OR3A2: variants seen among roughly 807,000 people sequenced by gnomAD.
The protein encoded by OR3A2 is olfactory receptor family 3 subfamily A member 2, also known as olfactory receptor 3A2.
For synonymous variants in OR3A2, 126 were observed against 159.3 expected (o/e 0.79, Z 1.57); for missense variants, 318 against 392.8 (o/e 0.81, Z 1.61).
intron 1 of OR3A2, among the ~76,000 whole-genome samples, chr17:3,282,154 C>A (rs1040642056): frequency 6.6e-6 from 1 of 152,268 alleles, no homozygotes; most frequent in East Asian, 1.9e-4. Context: ...GTGGCTCACA[C>A]CTGTAATCCC....
intron 2 of OR3A2, among the ~76,000 whole-genome samples, chr17:3,356,075 C>T (rs1489110567): frequency 6.6e-6 from 1 of 151,390 alleles, no homozygotes; most frequent in Non-Finnish European, 1.5e-5. Context: ...CAGCTTAACA[C>T]TGAGTGCATA....
intron 2 of OR3A2, among the ~76,000 whole-genome samples, chr17:3,351,830 CAG>C (rs1597354409): frequency 6.6e-6 from 1 of 152,062 alleles, no homozygotes; most frequent in Non-Finnish European, 1.5e-5. Flanking sequence ...GGTACCAAAA[CAG>C]AGATATAGAT....
At chr17:3,331,500 A>G (rs911918207) in intron 3 of OR3A2, among the ~76,000 whole-genome samples, 5 of 151,340 alleles carry the variant, frequency 3.3e-5, no homozygotes, top group Non-Finnish European at 5.9e-5. Context: ...CTTCCAGTTG[A>G]TCGCATCGGC....
chr17:3,298,824 C>T (rs754232179), intron 3 of OR3A2, among the ~76,000 whole-genome samples: 4 of 152,106 alleles, frequency 2.6e-5, no homozygotes, highest in Non-Finnish European at 5.9e-5. Flanking sequence ...GGGCCATATA[C>T]GAGAAAACGA....
rs557039573 is a variant in OR3A2 at position 3,364,138 on chromosome 17, T to C, written c.-179+19666A>G. Among the ~76,000 whole-genome samples the C allele has an allele frequency of 3.9e-5, 6 of 152,354 alleles. No homozygotes were observed. In the South Asian group the frequency reaches 1.2e-3, roughly 32 times the overall value. On this transcript the variant is annotated intron_variant, in intron 2 of 4. Coordinates refer to the OR3A2 transcript ENST00000573491. ...TTTACAGACAAAGTGTTAGAATCAG[T>C]AATTTTAAAAGCTAAGGTCCTGAAA...
intron 1 of OR3A2, 124 bp downstream of exon 1, chr17:3,386,001 C>G (rs1048054823): frequency 2.5e-6 from 1 of 398,778 alleles, no homozygotes; most frequent in Non-Finnish European, 4.4e-6. Context: ...CAGACGCCCA[C>G]CCGCTGCTGT....
At chr17:3,369,581 C>G (rs1456710086) in intron 2 of OR3A2, among the ~76,000 whole-genome samples, 1 of 152,106 alleles carries the variant, frequency 6.6e-6, no homozygotes, top group Non-Finnish European at 1.5e-5. Flanking sequence ...GGTATGAAAC[C>G]CACTTGATCT....
intron 2 of OR3A2, among the ~76,000 whole-genome samples, chr17:3,361,613 T>C (rs1219020468): frequency 1.3e-5 from 2 of 151,612 alleles, no homozygotes. Flanking sequence ...TTATTGAGAG[T>C]TTTTAGCATG....
At chr17:3,335,253 T>C (rs2049268297) in intron 3 of OR3A2, among the ~76,000 whole-genome samples, 1 of 152,164 alleles carries the variant, frequency 6.6e-6, no homozygotes, top group Admixed American at 6.6e-5. Context: ...TCCAAGTCTG[T>C]TTTTTGCCTT....
chr17:3,349,574 T>A (rs964915016), intron 2 of OR3A2, among the ~76,000 whole-genome samples: 1 of 152,044 alleles, frequency 6.6e-6, no homozygotes, highest in Non-Finnish European at 1.5e-5. Context: ...CTCCCACACA[T>A]TAATAATAGG....
At chr17:3,377,142 C>G (rs191191298) in intron 2 of OR3A2, among the ~76,000 whole-genome samples, 453 of 152,200 alleles carry the variant, frequency 3.0e-3, no homozygotes, top group Non-Finnish European at 5.4e-3. Flanking sequence ...TTTGGTTTTG[C>G]TTGTATCTTC....
chr17:3,380,182 A>G (rs564382769), intron 2 of OR3A2, among the ~76,000 whole-genome samples: 2 of 152,338 alleles, frequency 1.3e-5, no homozygotes, highest in South Asian at 2.1e-4. Context: ...TGTGGAGGGC[A>G]GAGCTCGTTA....
intron 2 of OR3A2, among the ~76,000 whole-genome samples, chr17:3,381,218 T>C (rs2150669422): frequency 6.6e-6 from 1 of 152,222 alleles, no homozygotes; most frequent in South Asian, 2.1e-4. Context: ...TGCAAGCGTG[T>C]ATCCCTGTGC....
intron 2 of OR3A2, among the ~76,000 whole-genome samples, chr17:3,343,592 T>C (rs1377175491): frequency 6.6e-6 from 1 of 152,080 alleles, no homozygotes; most frequent in Non-Finnish European, 1.5e-5. Context: ...TTTCCACCTT[T>C]AAAAAGCATT....
At chr17:3,344,053 A>G (rs77264233) in intron 2 of OR3A2, among the ~76,000 whole-genome samples, 3,301 of 152,072 alleles carry the variant, frequency 0.022, 124 homozygotes, top group African/African-American at 0.076. Context: ...CCTTGTTTTG[A>G]TTTTTCCACT....
chr17:3,316,594 A>G (rs550301642), intron 3 of OR3A2, among the ~76,000 whole-genome samples: 3 of 152,302 alleles, frequency 2.0e-5, no homozygotes, highest in Admixed American at 2.0e-4. Flanking sequence ...TTCTCATTTG[A>G]ATTTTTCAGT....
intron 2 of OR3A2, among the ~76,000 whole-genome samples, chr17:3,339,075 TATTGGTGTATAAGAATGCTTATG>T (rs1280739751): frequency 5.9e-5 from 9 of 152,170 alleles, no homozygotes; most frequent in Admixed American, 3.9e-4. Context: ...GTTTGTCTGT[TATTGGTGTATAAGAATGCTTATG>T]ATTTTTGCAC....
chr17:3,346,400 G>A (rs1300242394), intron 2 of OR3A2, among the ~76,000 whole-genome samples: 1 of 152,132 alleles, frequency 6.6e-6, no homozygotes, highest in Admixed American at 6.5e-5. Flanking sequence ...TAGGCCTCAT[G>A]CTGAGCCAAC....
upstream of OR3A2, among the ~76,000 whole-genome samples, chr17:3,285,099 T>C (rs1682138090): frequency 6.6e-6 from 1 of 151,958 alleles, no homozygotes; most frequent in Non-Finnish European, 1.5e-5. Context: ...GCAGGACTAC[T>C]GGGAAGGTGC....
Sources: gnomAD v4.1 joint callset for allele counts (sites outside exome capture counted in the v4.1 genomes callset) on GRCh38, gnomAD v4.1.1 for gene constraint, MANE v1.5 for transcripts, NCBI Gene and HGNC (gene_info 2026-07-23, HGNC 2026-07-21) for gene names.